KIF26A: variants seen among roughly 807,000 people sequenced by gnomAD.
The protein encoded by KIF26A is kinesin-like protein KIF26A.
In KIF26A, 74 loss-of-function variants were observed where a neutral mutation model predicts 126.0. The observed-to-expected ratio is 0.59, with a 90% CI of 0.49 to 0.71. The LOEUF is 0.71. Ranked by LOEUF, KIF26A falls within the 30% of genes least tolerant of loss-of-function variation. KIF26A has a pLI of 0.00. For synonymous variants in KIF26A, 1,445 were observed against 1,232.7 expected, an observed-to-expected ratio of 1.17 and a Z score of -3.61; for missense variants, 2,984 against 2,763.3, an observed-to-expected ratio of 1.08 and a Z score of -1.79.
Position 104,177,406 on chromosome 14 carries a change from G to A in KIF26A, c.4618G>A (p.Ala1540Thr). Residue 1540 changes from alanine to threonine, a missense_variant, in exon 12 of 15, where the codon GCC becomes ACC. Physicochemically the swap from Ala to Thr is moderately conservative, Grantham distance 58. Transcript: ENST00000423312. The part of the protein sequence containing the change: ...PVAGPRAAPR[A>T]GPSVGAKAGR... ...GGCCGGTCCCAGAGCAGCCCCACGG[G>A]CCGGGCCCAGTGTCGGGGCGAAGGC... is the stretch of plus-strand genomic sequence containing the variant. The A allele has an allele frequency of 6.7e-7, 1 of 1,499,384 alleles. No individual in the cohort carries two copies. The highest frequency in any genetic ancestry group is 1.3e-5 in the South Asian group (1 of 77,432). The allele number at this position is 1,499,384 out of a possible 1,614,324, so 92.9% of individuals were successfully genotyped here.
Position 104,177,793 on chromosome 14 carries a change from G to C in KIF26A, c.5005G>C (p.Ala1669Pro). The change falls in exon 12 of 15, where the codon GCC becomes CCC. Residue 1669 changes from alanine (A) to proline (P), a missense_variant. Coordinates refer to ENST00000423312, the MANE Select transcript of KIF26A (RefSeq NM_015656.2). Reference protein sequence around the residue: ...GYESLRRDSEATGSASSAPDS... With the variant: ...GYESLRRDSEPTGSASSAPDS... ...TGAGAGCCTGCGGCGCGACAGCGAG[G>C]CCACCGGCAGCGCCTCCTCCGCCCC... The C allele has an allele frequency of 6.4e-7, 1 of 1,556,346 alleles. No homozygotes were observed. The highest frequency in any genetic ancestry group is 8.6e-7 in the Non-Finnish European group (1 of 1,158,882).
chr14:104,175,983 C>T lies in KIF26A; in HGVS notation c.3195C>T (p.Ala1065=). ...TCGACAGTGACTGCTCCCTGCGGGCCCTGGCCTCGGGGTCCCGGCCAGTCA... is the reference window on the plus strand; with the variant it reads ...TCGACAGTGACTGCTCCCTGCGGGCTCTGGCCTCGGGGTCCCGGCCAGTCA... ...ASFDSDCSLR[A]LASGSRPVSI... Residue 1065 remains alanine (A), a synonymous_variant, in exon 12 of 15, where the codon GCC becomes GCT. Transcript: ENST00000423312. The T allele has an allele frequency of 6.3e-7, 1 of 1,579,452 alleles. No individual in the cohort carries two copies. Among genetic ancestry groups the T allele is most frequent in the East Asian group, 2.3e-5 (1 of 43,646 alleles).
chr14:104,175,332 G>A lies in KIF26A; in HGVS notation c.2544G>A (p.Leu848=). 6.2e-7 allele frequency: 1 copy of A among 1,603,730 alleles called. No homozygotes were observed. The highest frequency in any genetic ancestry group is 8.5e-7 in the Non-Finnish European group (1 of 1,179,412). ...CSTFAELQER[L]ECMDGNEGPS... ...CCTTCGCGGAGCTGCAGGAGCGGCT[G>A]GAATGCATGGACGGCAACGAGGGTC... Residue 848 remains leucine, a synonymous_variant, in exon 12 of 15, where the codon CTG becomes CTA. Coordinates refer to ENST00000423312, the MANE Select transcript of KIF26A (RefSeq NM_015656.2).
chr14:104,174,393 G>T, intron 11 of KIF26A, 83 bp downstream of exon 11: 1 of 1,354,970 alleles, frequency 7.4e-7, no homozygotes. Flanking sequence ...CCTGGTTGGG[G>T]TGGGGGTCAG....
chr14:104,142,836 C>G (rs1165275371), intron 2 of KIF26A, among the ~76,000 whole-genome samples: 2 of 152,220 alleles, frequency 1.3e-5, no homozygotes, highest in Admixed American at 6.5e-5. Flanking sequence ...TGTTGAATGA[C>G]TGAATGACCA....
Position 104,146,090 on chromosome 14 carries a change from G to A in KIF26A, c.289-5925G>A, listed in dbSNP as rs1422853319. Among the ~76,000 whole-genome samples, 4 of 152,242 alleles carry A rather than the reference G, an allele frequency of 2.6e-5. No homozygotes were observed. The East Asian group carries it at 7.7e-4, about 29-fold the overall frequency. ...GTCTGAGTTGGAACCCCAGCTCTGC[G>A]ACCCTGGTGGTGTGGCCTGAGGCAG... On this transcript the variant is annotated intron_variant, in intron 2 of 14. Transcript: ENST00000423312.
chr14:104,172,603 A>T lies in KIF26A; in HGVS notation c.1355A>T (p.Asp452Val). 6.2e-7 allele frequency: 1 copy of T among 1,613,164 alleles called. No homozygotes were observed. The highest frequency in any genetic ancestry group is 1.1e-5 in the South Asian group (1 of 91,074). Residue 452 changes from aspartate to valine, a missense_variant, in exon 7 of 15, where the codon GAC becomes GTC. Transcript: ENST00000423312. The stretch of plus-strand genomic sequence containing the variant: ...GAAGTCTGCTCGGGGACCGTGGCCG[A>T]CGTGCTCCAGTCGGTGGTCAGTGGG... ...QAEVCSGTVADVLQSVVSGAD... is the reference protein window; with the variant it reads ...QAEVCSGTVAVVLQSVVSGAD...
intron 9 of KIF26A, 96 bp from the exon 10 acceptor site, chr14:104,173,610 C>G: frequency 6.5e-7 from 1 of 1,530,808 alleles, no homozygotes; most frequent in Non-Finnish European, 8.8e-7. Context: ...TGGGGATGTC[C>G]CTGGGGTTGT....
chr14:104,174,059 A>G (rs2037989347), intron 10 of KIF26A, 89 bp from the exon 11 acceptor site: 1 of 1,431,262 alleles, frequency 7.0e-7, no homozygotes, highest in African/African-American at 1.4e-5. Flanking sequence ...CTGGGTGGGA[A>G]CCAGACTGAT....
intron 2 of KIF26A, among the ~76,000 whole-genome samples, chr14:104,146,199 TG>T (rs2037679146): frequency 6.6e-6 from 1 of 151,584 alleles, no homozygotes; most frequent in South Asian, 2.1e-4. Context: ...TTTTTGGGGG[TG>T]GGTGGCCCCT....
intron 2 of KIF26A, among the ~76,000 whole-genome samples, chr14:104,143,410 A>T (rs192848109): frequency 1.3e-5 from 2 of 152,252 alleles, no homozygotes; most frequent in African/African-American, 4.8e-5. Flanking sequence ...GACGCTGCTC[A>T]TGGGCTTCTG....
intron 3 of KIF26A, among the ~76,000 whole-genome samples, chr14:104,155,580 G>A (rs1027208998): frequency 2.4e-4 from 36 of 151,440 alleles, no homozygotes; most frequent in African/African-American, 8.3e-4. Flanking sequence ...CCCTCTCGCC[G>A]TCCTCCCCTG....
At position 104,178,622 on chromosome 14, in the gene KIF26A, C is replaced by T. The variant is rs1405085784; in HGVS notation, c.5183C>T (p.Pro1728Leu). The T allele has an allele frequency of 1.9e-6, 3 of 1,549,142 alleles. No individual in the cohort carries two copies. Among genetic ancestry groups the T allele is most frequent in the Middle Eastern group, 2.0e-4 (1 of 5,066 alleles). ...GCCCTGGGCCGTAAGCCCAGCCTCC[C>T]CGGGCAGTGGGTGGACCTGCCCCCG... Reference protein sequence around the residue: ...TTALGRKPSLPGQWVDLPPPL... With the variant: ...TTALGRKPSLLGQWVDLPPPL... The change falls in exon 13 of 15, where the codon CCC becomes CTC. Residue 1728 changes from proline to leucine, a missense_variant. Coordinates refer to ENST00000423312, the MANE Select transcript of KIF26A (RefSeq NM_015656.2).
At chr14:104,179,517 A>G (rs192277063) in intron 14 of KIF26A, 92 bp from the exon 15 acceptor site, 2 of 1,433,726 alleles carry the variant, frequency 1.4e-6, no homozygotes, top group African/African-American at 2.9e-5. Flanking sequence ...GGCCGGGCCA[A>G]GATGCCTTTC....
chr14:104,160,911 C>T (rs756050101), intron 4 of KIF26A, among the ~76,000 whole-genome samples: 4 of 152,228 alleles, frequency 2.6e-5, no homozygotes, highest in South Asian at 2.1e-4. Context: ...GGTACCCAGG[C>T]CCCCCACTCC....
In KIF26A at chr14:104,164,617, G is replaced by A. The variant is rs144905917; in HGVS notation, c.924-2242G>A. ...CTGGGAACACATCCCCAGCAGCAGG[G>A]TTAGCACAGCCAGGGCTCAGAGGCG... On this transcript the variant is annotated intron_variant, in intron 4 of 14. Coordinates refer to ENST00000423312, the MANE Select transcript of KIF26A (RefSeq NM_015656.2). Among the ~76,000 whole-genome samples, 484 of 152,310 alleles carry A rather than the reference G, an allele frequency of 3.2e-3. 6 individuals carry two copies. The highest frequency in any genetic ancestry group is 0.011 in the African/African-American group (458 of 41,556).
At position 104,173,056 on chromosome 14, in the gene KIF26A, C is replaced by A; in HGVS notation, c.1500C>A (p.Phe500Leu). ...TGCCCTGCGCCATCTCCTGGCTCTT[C>A]AGGCTCATCGAGGAGCGCAGGGAGA... ...GIVPCAISWL[F>L]RLIEERRERT... The change falls in exon 8 of 15, where the codon TTC (phenylalanine) becomes TTA (leucine). Residue 500 changes from phenylalanine (F) to leucine (L), a missense_variant. By Grantham distance (22) the Phe-to-Leu change is conservative (BLOSUM62 0). Coordinates refer to ENST00000423312, the MANE Select transcript of KIF26A (RefSeq NM_015656.2). 1 of 1,606,190 alleles carries A rather than the reference C, an allele frequency of 6.2e-7. No homozygotes were observed. The highest frequency in any genetic ancestry group is 1.3e-5 in the African/African-American group (1 of 74,916).
chr14:104,139,973 G>C (rs537225916), intron 2 of KIF26A, among the ~76,000 whole-genome samples: 4 of 152,302 alleles, frequency 2.6e-5, no homozygotes, highest in Non-Finnish European at 5.9e-5. Context: ...GAGGGAGCAG[G>C]GACCATTGTT....
At chr14:104,165,211 C>G (rs903430489) in intron 4 of KIF26A, among the ~76,000 whole-genome samples, 1 of 150,230 alleles carries the variant, frequency 6.7e-6, no homozygotes, top group Non-Finnish European at 1.5e-5. Flanking sequence ...GTCTGTGTCT[C>G]TGCATGTGTT....
Sources: gnomAD v4.1 joint callset for allele counts (sites outside exome capture counted in the v4.1 genomes callset) on GRCh38, gnomAD v4.1.1 for gene constraint, MANE v1.5 for transcripts, NCBI Gene and HGNC (gene_info 2026-07-23, HGNC 2026-07-21) for gene names.